The following DPP6 variants were observed in gnomAD, a reference collection of about 807,000 sequenced individuals.
The protein encoded by DPP6 is A-type potassium channel modulatory protein DPP6.
DPP6 carries 69 observed loss-of-function variants against 122.6 expected under a neutral mutation model. The ratio of observed to expected loss-of-function variants is 0.56; its 90% CI spans 0.46 to 0.69. The LOEUF is 0.69. DPP6 is among the 30% of genes least tolerant of loss of function. The pLI is 0.00. For synonymous variants in DPP6, 418 were observed against 433.1 expected (o/e 0.97, Z 0.43); for missense variants, 928 against 1,116.9 (o/e 0.83, Z 2.41).
At chr7:154,447,292 C>A (rs1028297096) in intron 2 of DPP6, among the ~76,000 whole-genome samples, 2 of 151,970 alleles carry the variant, frequency 1.3e-5, no homozygotes, top group African/African-American at 4.8e-5. Flanking sequence ...GGCAACAGAG[C>A]AAGACTCCAA....
chr7:154,709,358 TTTGTTGTTGTTG>T, intron 7 of DPP6, among the ~76,000 whole-genome samples: 1 of 149,314 alleles, frequency 6.7e-6, no homozygotes, highest in Non-Finnish European at 1.5e-5. Context: ...TTTTTAATGT[TTTGTTGTTGTTG>T]TTGTTGTTGT....
chr7:154,029,926 T>G (rs1461448928), intron 1 of DPP6, among the ~76,000 whole-genome samples: 1 of 151,966 alleles, frequency 6.6e-6, no homozygotes, highest in Non-Finnish European at 1.5e-5. Flanking sequence ...CCAGGCACGG[T>G]GGCTCACGCC....
At chr7:154,060,433 C>A (rs541974130) in intron 1 of DPP6, among the ~76,000 whole-genome samples, 3 of 130,296 alleles carry the variant, frequency 2.3e-5, no homozygotes, top group Non-Finnish European at 4.9e-5. Flanking sequence ...CCCCGCGAGG[C>A]GGGGACTGCG....
chr7:153,878,866 A>G, the DPP6 span, among the ~76,000 whole-genome samples: 1 of 152,158 alleles, frequency 6.6e-6, no homozygotes, highest in African/African-American at 2.4e-5. Context: ...ATCTCTGTGC[A>G]GGAATTAAGT....
chr7:154,231,004 ATTT>A (rs889126019), intron 1 of DPP6, among the ~76,000 whole-genome samples: 14 of 152,218 alleles, frequency 9.2e-5, no homozygotes, highest in Admixed American at 8.5e-4. Flanking sequence ...GCAATTACTT[ATTT>A]TTGACATTTG....
chr7:154,240,852 AG>A (rs1801546169), intron 1 of DPP6, among the ~76,000 whole-genome samples: 1 of 152,190 alleles, frequency 6.6e-6, no homozygotes, highest in Non-Finnish European at 1.5e-5. Context: ...GATTTTATGT[AG>A]GATAGACAGT....
At position 154,821,645 on chromosome 7, in the gene DPP6, T is replaced by TATATATATAC. The variant is rs1362252192; in HGVS notation, c.1666+14534_1666+14535insTATATATACA. ...TTTTTTCTGTATATATATATATATA[T>TATATATATAC]ACACATATATATATATATACACATA... On this transcript the variant is annotated intron_variant, in intron 16 of 25. Coordinates refer to ENST00000377770, the MANE Select transcript of DPP6 (RefSeq NM_130797.4). The surrounding 1 kb of genome is among the most constrained non-coding windows in gnomAD (Gnocchi z 4.2). Among the ~76,000 whole-genome samples the TATATATATAC allele has an allele frequency of 2.2e-3, 256 of 115,146 alleles. 2 individuals are homozygous for TATATATATAC. The highest frequency in any genetic ancestry group is 0.01 in the East Asian group (47 of 4,674). 75.5% of individuals were successfully genotyped at this position (115,146 alleles called of 152,430 possible).
intron 7 of DPP6, among the ~76,000 whole-genome samples, chr7:154,702,950 A>G (rs1840606679): frequency 6.6e-6 from 1 of 152,196 alleles, no homozygotes; most frequent in Admixed American, 6.5e-5. Flanking sequence ...CTCTCTTCTT[A>G]GGGGTTGAAG....
At chr7:154,393,148 G>A (rs933055693) in intron 1 of DPP6, among the ~76,000 whole-genome samples, 5 of 152,306 alleles carry the variant, frequency 3.3e-5, no homozygotes, top group South Asian at 4.1e-4. Flanking sequence ...ACAGAGTGCA[G>A]AACAATGTAG....
chr7:154,432,909 G>C lies in DPP6; in HGVS notation c.244-13305G>C, dbSNP rs182549525. Among the ~76,000 whole-genome samples the C allele has an allele frequency of 1.7e-3, 260 of 152,262 alleles. 1 individual carries two copies. Among genetic ancestry groups the C allele is most frequent in the African/African-American group, 5.9e-3 (245 of 41,550 alleles). On this transcript the variant is annotated intron_variant, in intron 1 of 25. Transcript: ENST00000377770. ...CTCATATGGTAGTTAAATAAGTCCA[G>C]TCAAGGGCTGTAAGACAGCCAATCA...
intron 1 of DPP6, among the ~76,000 whole-genome samples, chr7:153,983,308 C>T (rs948771537): frequency 1.5e-4 from 23 of 152,236 alleles, no homozygotes; most frequent in South Asian, 4.1e-4. Context: ...CCATGGGCTC[C>T]GCCCAGTCTG....
intron 7 of DPP6, among the ~76,000 whole-genome samples, chr7:154,693,607 G>A (rs1369071420): frequency 6.6e-6 from 1 of 152,114 alleles, no homozygotes; most frequent in African/African-American, 2.4e-5. Context: ...ACAGACTTTG[G>A]GCTTCTTCTG....
intron 5 of DPP6, among the ~76,000 whole-genome samples, chr7:154,586,038 T>G (rs77604057): frequency 0.011 from 1,620 of 151,980 alleles, 14 homozygotes; most frequent in Non-Finnish European, 0.016. Flanking sequence ...AGGAGAGGGA[T>G]GATAGATGGT....
At chr7:154,532,041 G>C (rs1827878493) in intron 3 of DPP6, among the ~76,000 whole-genome samples, 1 of 151,996 alleles carries the variant, frequency 6.6e-6, no homozygotes, top group Non-Finnish European at 1.5e-5. Context: ...CCCAAACCCA[G>C]CCATATAAAT....
At chr7:154,385,362 C>T (rs1330302282) in intron 1 of DPP6, among the ~76,000 whole-genome samples, 2 of 152,142 alleles carry the variant, frequency 1.3e-5, no homozygotes, top group Non-Finnish European at 2.9e-5. Context: ...GAATCAAGTT[C>T]TTCAGGGAGA....
chr7:153,892,194 G>A (rs1195476495), intron 1 of DPP6, among the ~76,000 whole-genome samples: 2 of 152,242 alleles, frequency 1.3e-5, no homozygotes. Context: ...TGCTGATTCA[G>A]TTAAATAAAG....
rs1293256934 is a variant in DPP6 at position 154,887,690 on chromosome 7, G to C, written c.2260G>C (p.Glu754Gln). The change falls in exon 23 of 26, where the codon GAG (glutamate) becomes CAG (glutamine). Residue 754 changes from glutamate to glutamine, a missense_variant. Coordinates refer to ENST00000377770, the MANE Select transcript of DPP6 (RefSeq NM_130797.4). ...CTTCCGTGCAGCCTCTGCGTTTTCCGAGAGGTACTTGGGCCTCCATGGACT... is the reference window on the plus strand; with the variant it reads ...CTTCCGTGCAGCCTCTGCGTTTTCCCAGAGGTACTTGGGCCTCCATGGACT... Reference protein sequence around the residue: ...DFKLYASAFSERYLGLHGLDN... With the variant: ...DFKLYASAFSQRYLGLHGLDN... 2 of 1,613,798 alleles carry C rather than the reference G, an allele frequency of 1.2e-6. No individual in the cohort carries two copies. Among genetic ancestry groups the C allele is most frequent in the African/African-American group, 1.3e-5 (1 of 74,912 alleles).
At chr7:154,608,341 A>ATATT (rs1468792635) in intron 5 of DPP6, among the ~76,000 whole-genome samples, 1,925 of 123,188 alleles carry the variant, frequency 0.016, 87 homozygotes, top group African/African-American at 0.052. Flanking sequence ...ATATATATAT[A>ATATT]TTTTGAGATG....
chr7:154,358,063 T>A (rs1325781535), intron 1 of DPP6, among the ~76,000 whole-genome samples: 4 of 151,978 alleles, frequency 2.6e-5, no homozygotes, highest in Admixed American at 6.6e-5. Context: ...CAACTCAGAG[T>A]AGATTGTGGA....
Sources: gnomAD v4.1 joint callset for allele counts (sites outside exome capture counted in the v4.1 genomes callset) on GRCh38, gnomAD v4.1.1 for gene constraint, Gnocchi (gnomAD v3.1) non-coding constraint, MANE v1.5 for transcripts, NCBI Gene and HGNC (gene_info 2026-07-23, HGNC 2026-07-21) for gene names.